MSL2: variants seen among roughly 807,000 people sequenced by gnomAD.
MSL2 encodes the protein MSL complex subunit 2.
A neutral mutation model predicts 35.8 loss-of-function variants in MSL2; 2 were observed. The observed-to-expected ratio is 0.06, with a 90% CI of 0.02 to 0.18. The LOEUF is 0.18. MSL2 is among the 10% of genes least tolerant of loss of function. MSL2 has a pLI of 1.00. For missense variants in MSL2, 523 were observed against 706.7 expected, an observed-to-expected ratio of 0.74 and a Z score of 2.95; for synonymous variants, 296 against 255.7, an observed-to-expected ratio of 1.16 and a Z score of -1.50.
intron 1 of MSL2, among the ~76,000 whole-genome samples, chr3:136,181,922 A>T (rs1559969890): frequency 7.6e-5 from 1 of 13,158 alleles, no homozygotes; most frequent in Non-Finnish European, 1.8e-4. Flanking sequence ...CTGTCTCAAA[A>T]AATAAATAAA....
In MSL2 at chr3:136,152,190, G is replaced by A. The variant is rs1939393713; in HGVS notation, c.691C>T (p.Leu231=). Residue 231 remains leucine (L), a synonymous_variant, in exon 2 of 2, where the codon CTG becomes TTG. Transcript: ENST00000309993. ...CNTVDIKTED[L]SDSLPPVCDT... ...CAAACGGGTGGCAGGCTGTCAGACA[G>A]ATCCTCAGTTTTTATGTCAACAGTA... 1.9e-6 allele frequency: 3 copies of A among 1,614,158 alleles called. No homozygotes were observed. Among genetic ancestry groups the A allele is most frequent in the Non-Finnish European group, 2.5e-6 (3 of 1,180,000 alleles).
chr3:136,158,912 C>G (rs1340246397), intron 1 of MSL2, among the ~76,000 whole-genome samples: 1 of 152,188 alleles, frequency 6.6e-6, no homozygotes, highest in African/African-American at 2.4e-5. Context: ...ACAAAGACTT[C>G]TACACTCAGC....
chr3:136,177,396 C>A lies in MSL2; in HGVS notation c.142+17576G>T, dbSNP rs76957047. On this transcript the variant is annotated intron_variant, in intron 1 of 1. Transcript: ENST00000309993. ...AGTCACTAAAAATAATGCTACAGGC[C>A]GGGCACGGTGGTTCATGCCTGTAAT... is the stretch of plus-strand genomic sequence containing the variant. Among the ~76,000 whole-genome samples the A allele has an allele frequency of 2.0e-5, 3 of 152,088 alleles. No individual in the cohort carries two copies. In the East Asian group the frequency reaches 5.8e-4, roughly 29 times the overall value.
intron 1 of MSL2, among the ~76,000 whole-genome samples, chr3:136,182,192 G>A (rs1419153624): frequency 6.6e-6 from 1 of 152,142 alleles, no homozygotes; most frequent in African/African-American, 2.4e-5. Flanking sequence ...TGTGGCTACT[G>A]AGCATTTACA....
chr3:136,195,371 G>A lies in MSL2; in HGVS notation c.-258C>T, dbSNP rs1246433466. 2.4e-6 allele frequency: 3 copies of A among 1,230,094 alleles called. No homozygotes were observed. Among genetic ancestry groups the A allele is most frequent in the Non-Finnish European group, 3.1e-6 (3 of 982,226 alleles). The allele number at this position is 1,230,094 out of a possible 1,614,324, so 76.2% of individuals were successfully genotyped here. A position where few individuals can be genotyped will look rare whatever the true frequency, so the allele number is the denominator to read the frequency against. ...GAGAAACCAGCGTTCGAGTTCGTCC[G>A]GAGCGACCACAGAGCGCAGAACGCG... On this transcript the variant is annotated 5_prime_UTR_variant, in exon 1 of 2. Transcript: ENST00000309993.
chr3:136,165,575 G>A (rs1289681477), intron 1 of MSL2, among the ~76,000 whole-genome samples: 1 of 152,100 alleles, frequency 6.6e-6, no homozygotes, highest in African/African-American at 2.4e-5. Flanking sequence ...ATTTTTTAAT[G>A]CTCTTAATGA....
intron 1 of MSL2, among the ~76,000 whole-genome samples, chr3:136,161,960 C>T (rs1386819060): frequency 1.3e-5 from 2 of 151,210 alleles, no homozygotes; most frequent in South Asian, 2.1e-4. Context: ...TTTCTCAAGA[C>T]GGAGTCTTTC....
At chr3:136,178,637 A>G (rs1247108968) in intron 1 of MSL2, among the ~76,000 whole-genome samples, 1 of 151,652 alleles carries the variant, frequency 6.6e-6, no homozygotes, top group Non-Finnish European at 1.5e-5. Flanking sequence ...GGTTCAAGCA[A>G]TTCTCCTGCC....
intron 1 of MSL2, among the ~76,000 whole-genome samples, chr3:136,190,066 G>C (rs2108096914): frequency 6.6e-6 from 1 of 151,102 alleles, no homozygotes; most frequent in Non-Finnish European, 1.5e-5. Context: ...GGGCAACATA[G>C]CAAGACCCTG....
chr3:136,177,500 C>A (rs1454237325), intron 1 of MSL2, among the ~76,000 whole-genome samples: 2 of 151,112 alleles, frequency 1.3e-5, no homozygotes, highest in African/African-American at 4.9e-5. Flanking sequence ...AGGTGAAAAC[C>A]CATCTCAACT....
chr3:136,180,023 C>T (rs1289603655), intron 1 of MSL2, among the ~76,000 whole-genome samples: 1 of 152,108 alleles, frequency 6.6e-6, no homozygotes, highest in Admixed American at 6.6e-5. Context: ...TGAGATCCCT[C>T]CACTGCACTC....
In MSL2 at chr3:136,195,258, T is replaced by G; in HGVS notation, c.-145A>C. 6.8e-7 allele frequency: 1 copy of G among 1,475,896 alleles called. No homozygotes were observed. The highest frequency in any genetic ancestry group is 1.5e-5 in the South Asian group (1 of 68,688). 91.4% of individuals were successfully genotyped at this position (1,475,896 alleles called of 1,614,324 possible). A position where few individuals can be genotyped will look rare whatever the true frequency, so the allele number is the denominator to read the frequency against. On this transcript the variant is annotated 5_prime_UTR_variant, in exon 1 of 2. Transcript: ENST00000309993. Reference sequence around the variant, plus strand: ...TGGCCAAACAAGTAACCAAAATCCGTGCAAGTTTGTGGAGCTGAAACAATC... The same window carrying G: ...TGGCCAAACAAGTAACCAAAATCCGGGCAAGTTTGTGGAGCTGAAACAATC...
chr3:136,149,108 C>T lies in MSL2; in HGVS notation c.*2039G>A, dbSNP rs1356711510. 11 of 150,006 alleles carry T rather than the reference C, an allele frequency of 7.3e-5. No individual in the cohort carries two copies. The highest frequency in any genetic ancestry group is 7.3e-4 in the Admixed American group (11 of 15,144). 9.3% of individuals were successfully genotyped at this position (150,006 alleles called of 1,614,324 possible). On this transcript the variant is annotated 3_prime_UTR_variant, in exon 2 of 2. Transcript: ENST00000309993. ...TTTCCACTTTGTCTATATTGCCAACCTCCCATGCATCAAAAAAAAAAAAAA... is the reference window on the plus strand; with the variant it reads ...TTTCCACTTTGTCTATATTGCCAACTTCCCATGCATCAAAAAAAAAAAAAA...
intron 1 of MSL2, among the ~76,000 whole-genome samples, chr3:136,174,697 A>G (rs137879743): frequency 2.6e-5 from 4 of 152,148 alleles, no homozygotes; most frequent in Non-Finnish European, 5.9e-5. Context: ...TCAATTTTTA[A>G]AGTTAGCCTT....
At chr3:136,192,251 C>A (rs1040488361) in intron 1 of MSL2, among the ~76,000 whole-genome samples, 1 of 152,178 alleles carries the variant, frequency 6.6e-6, no homozygotes, top group Non-Finnish European at 1.5e-5. Flanking sequence ...CGGCTCACTG[C>A]AACCTCTGCC....
intron 1 of MSL2, among the ~76,000 whole-genome samples, chr3:136,160,520 G>A (rs906510698): frequency 2.0e-5 from 3 of 151,364 alleles, no homozygotes; most frequent in African/African-American, 7.3e-5. Context: ...GACCAGCCTG[G>A]CCAACACAGT....
intron 1 of MSL2, among the ~76,000 whole-genome samples, chr3:136,186,898 G>T (rs1041607800): frequency 6.6e-6 from 1 of 152,122 alleles, no homozygotes; most frequent in African/African-American, 2.4e-5. Context: ...GGGAACTGCC[G>T]CTTTAAATCA....
chr3:136,162,393 G>A (rs997047315), intron 1 of MSL2, among the ~76,000 whole-genome samples: 1 of 151,694 alleles, frequency 6.6e-6, no homozygotes, highest in Non-Finnish European at 1.5e-5. Context: ...ACCAGCCTGG[G>A]CAATATGGCA....
intron 1 of MSL2, among the ~76,000 whole-genome samples, chr3:136,170,568 G>A (rs1315344445): frequency 1.5e-5 from 2 of 134,362 alleles, no homozygotes; most frequent in Non-Finnish European, 3.1e-5. Flanking sequence ...AGGCTGGAGT[G>A]CAGTGGCGTG....
Sources: allele counts gnomAD v4.1 joint callset (sites outside exome capture counted in the v4.1 genomes callset), GRCh38; gene constraint gnomAD v4.1.1; transcripts MANE v1.5; gene names NCBI Gene and HGNC (gene_info 2026-07-23, HGNC 2026-07-21).